Variants in EML6 observed in about 807,000 individuals in gnomAD.
The protein encoded by EML6 is EMAP like 6, also known as echinoderm microtubule-associated protein-like 6.
A neutral mutation model predicts 240.1 loss-of-function variants in EML6; 154 were observed. The observed-to-expected ratio is 0.64, with a 90% CI of 0.56 to 0.73. EML6 has a LOEUF of 0.73. Ranked by LOEUF, EML6 falls within the 30% of genes least tolerant of loss-of-function variation. The pLI is 0.00. For missense variants in EML6, 2,964 were observed against 2,474.6 expected, an observed-to-expected ratio of 1.20 and a Z score of -4.20; for synonymous variants, 1,148 against 899.0, an observed-to-expected ratio of 1.28 and a Z score of -4.95.
chr2:54,725,258 G>T lies in EML6; in HGVS notation c.197G>T (p.Ser66Ile). The change falls in exon 2 of 42, where the codon AGC becomes ATC. Residue 66 changes from serine (S) to isoleucine (I), a missense_variant and splice_region_variant. Coordinates refer to ENST00000356458, the MANE Select transcript of EML6 (RefSeq NM_001039753.4). The surrounding 1 kb of genome is among the most constrained non-coding windows in gnomAD (Gnocchi z 4.3). ...CTGGGACACAACGACGACATTATCA[G>T]GTAAGGGGGTGGCCAGGGGCGGCGG... ...FFLGHNDDII[S>I]LALHPDKTLV... The T allele has an allele frequency of 2.1e-6, 3 of 1,432,788 alleles. No homozygotes were observed. Among genetic ancestry groups the T allele is most frequent in the Non-Finnish European group, 2.8e-6 (3 of 1,081,494 alleles). 88.8% of individuals were successfully genotyped at this position (1,432,788 alleles called of 1,614,324 possible).
Position 54,725,672 on chromosome 2 carries a change from A to G in EML6, c.197+414A>G, listed in dbSNP as rs1218041311. On this transcript the variant is annotated intron_variant, in intron 2 of 41. Coordinates refer to ENST00000356458, the MANE Select transcript of EML6 (RefSeq NM_001039753.4). The surrounding 1 kb of genome is among the most constrained non-coding windows in gnomAD (Gnocchi z 4.3). Reference sequence around the variant, plus strand: ...CTCCTCAGTGGGTTTCTCAGTAAGCAAGAGGATTAAAAAAGATCTAAAAGA... The same window carrying G: ...CTCCTCAGTGGGTTTCTCAGTAAGCGAGAGGATTAAAAAAGATCTAAAAGA... 6.6e-6 allele frequency among the ~76,000 whole-genome samples: 1 copy of G among 152,188 alleles called. No homozygotes were observed. Among genetic ancestry groups the G allele is most frequent in the Non-Finnish European group, 1.5e-5 (1 of 68,042 alleles).
At position 54,804,113 on chromosome 2, in the gene EML6, G is replaced by A. The variant is rs541485897; in HGVS notation, c.198-9119G>A. Among the ~76,000 whole-genome samples the A allele has an allele frequency of 2.6e-5, 4 of 152,354 alleles. No homozygotes were observed. In the East Asian group the frequency reaches 5.8e-4, roughly 22 times the overall value. On this transcript the variant is annotated intron_variant, in intron 2 of 41. Transcript: ENST00000356458. The stretch of plus-strand genomic sequence containing the variant: ...TGACTGTGTGCTACACTACAAGAAA[G>A]GTAGAATGCTCCAGGAGCAGTACAG...
chr2:54,780,754 C>T (rs1050193266), intron 2 of EML6, among the ~76,000 whole-genome samples: 16 of 152,256 alleles, frequency 1.1e-4, no homozygotes, highest in African/African-American at 3.1e-4. Context: ...TTCATAGAAA[C>T]ATAGTAAAAG....
chr2:54,927,775 A>T (rs536683455), intron 26 of EML6, among the ~76,000 whole-genome samples: 2 of 152,226 alleles, frequency 1.3e-5, no homozygotes, highest in African/African-American at 4.8e-5. Flanking sequence ...CTTTAAATCA[A>T]TGTTTGCGTG....
intron 22 of EML6, 147 bp downstream of exon 22, chr2:54,899,929 A>G (rs1219213021): frequency 1.6e-5 from 13 of 795,564 alleles, no homozygotes; most frequent in African/African-American, 3.5e-5. Flanking sequence ...TGGTTGCTAC[A>G]GTCATAACTA....
Position 54,796,137 on chromosome 2 carries a change from G to A in EML6, c.198-17095G>A, listed in dbSNP as rs546311099. ...TAAAGGCAAGTATGATACAAAATCC[G>A]TCTAATAGTATATAAGTAAAATCCC... On this transcript the variant is annotated intron_variant, in intron 2 of 41. Transcript: ENST00000356458. 3.5e-4 allele frequency among the ~76,000 whole-genome samples: 53 copies of A among 152,144 alleles called. No homozygotes were observed. The South Asian group carries it at 6.6e-3, about 19-fold the overall frequency.
chr2:54,926,197 G>A (rs1417602099), intron 26 of EML6, among the ~76,000 whole-genome samples: 1 of 152,162 alleles, frequency 6.6e-6, no homozygotes, highest in Non-Finnish European at 1.5e-5. Flanking sequence ...TGCCTCCCAG[G>A]TTCAAGCAAT....
At chr2:54,942,384 C>T (rs1240112482) in intron 28 of EML6, among the ~76,000 whole-genome samples, 1 of 152,164 alleles carries the variant, frequency 6.6e-6, no homozygotes, top group African/African-American at 2.4e-5. Context: ...AAGACTGTGG[C>T]AGAGTTGGGT....
intron 11 of EML6, among the ~76,000 whole-genome samples, chr2:54,856,454 A>G (rs1670384557): frequency 6.6e-6 from 1 of 152,204 alleles, no homozygotes; most frequent in South Asian, 2.1e-4. Flanking sequence ...CTGATAGCAA[A>G]TGGACTTGTG....
chr2:54,785,160 C>T (rs1015554901), intron 2 of EML6, among the ~76,000 whole-genome samples: 4 of 146,232 alleles, frequency 2.7e-5, no homozygotes, highest in East Asian at 2.0e-4. Context: ...TCCACCCCCC[C>T]ACACACACAC....
intron 16 of EML6, among the ~76,000 whole-genome samples, chr2:54,875,890 T>A (rs947078241): frequency 2.0e-5 from 3 of 152,208 alleles, no homozygotes; most frequent in Admixed American, 6.5e-5. Context: ...ATAATTTTTT[T>A]AAAAGCTTCG....
intron 2 of EML6, among the ~76,000 whole-genome samples, chr2:54,756,059 G>A (rs1180084531): frequency 2.0e-5 from 3 of 151,964 alleles, no homozygotes; most frequent in African/African-American, 2.4e-5. Flanking sequence ...TTAAGTTTAG[G>A]CTGCCTTGGA....
intron 11 of EML6, among the ~76,000 whole-genome samples, chr2:54,857,205 T>G (rs981956832): frequency 6.6e-6 from 1 of 151,968 alleles, no homozygotes; most frequent in Non-Finnish European, 1.5e-5. Context: ...GGCATCCGGG[T>G]GGACGTGGCA....
rs147852134 is a variant in EML6 at position 54,823,850 on chromosome 2, T to TTCTCTCTCTC, written c.525+3406_525+3415dup. ...GGCTGAATTAATATTCATTCATTCA[T>TTCTCTCTCTC]TCTCTCTCTCTCTCTCTCTCTCTCT... On this transcript the variant is annotated intron_variant, in intron 5 of 41. Transcript: ENST00000356458. 3.5e-3 allele frequency among the ~76,000 whole-genome samples: 255 copies of TTCTCTCTCTC among 72,276 alleles called. 4 individuals are homozygous for TTCTCTCTCTC. Among genetic ancestry groups the TTCTCTCTCTC allele is most frequent in the African/African-American group, 0.012 (212 of 18,424 alleles). The allele number at this position is 72,276 out of a possible 152,430, so 47.4% of individuals were successfully genotyped here.
intron 12 of EML6, among the ~76,000 whole-genome samples, chr2:54,863,422 G>A (rs892653315): frequency 6.6e-6 from 1 of 152,226 alleles, no homozygotes; most frequent in Non-Finnish European, 1.5e-5. Flanking sequence ...CCAGGAGGCT[G>A]AGGTGGGAGG....
chr2:54,803,208 T>C (rs1222345389), intron 2 of EML6, among the ~76,000 whole-genome samples: 1 of 152,126 alleles, frequency 6.6e-6, no homozygotes, highest in Non-Finnish European at 1.5e-5. Flanking sequence ...GCTGCCATAG[T>C]GTGGTGTCTG....
intron 38 of EML6, among the ~76,000 whole-genome samples, chr2:54,964,981 A>G (rs1676684384): frequency 6.6e-6 from 1 of 152,210 alleles, no homozygotes; most frequent in Admixed American, 6.5e-5. Flanking sequence ...ACAAGCCCTA[A>G]TCATCTTTAA....
chr2:54,936,793 G>A (rs1195774566), intron 28 of EML6, among the ~76,000 whole-genome samples: 1 of 152,014 alleles, frequency 6.6e-6, no homozygotes, highest in African/African-American at 2.4e-5. Context: ...TTTTTCACCT[G>A]TCACTGAAAA....
intron 8 of EML6, among the ~76,000 whole-genome samples, chr2:54,846,484 ATTTT>A (rs34903209): frequency 1.5e-3 from 214 of 142,066 alleles, no homozygotes; most frequent in Middle Eastern, 3.6e-3. Flanking sequence ...TTGATACATA[ATTTT>A]TTTTTTTTTT....
Sources: gnomAD v4.1 joint callset for allele counts (sites outside exome capture counted in the v4.1 genomes callset) on GRCh38, gnomAD v4.1.1 for gene constraint, Gnocchi (gnomAD v3.1) non-coding constraint, MANE v1.5 for transcripts, NCBI Gene and HGNC (gene_info 2026-07-23, HGNC 2026-07-21) for gene names.